ZEB1: variants seen among roughly 807,000 people sequenced by gnomAD.
ZEB1 encodes the protein zinc finger E-box binding homeobox 1.
ZEB1 carries 21 observed loss-of-function variants against 84.9 expected under a neutral mutation model. That is an observed-to-expected ratio of 0.25 (90% confidence interval 0.18 to 0.36). The LOEUF is 0.36. Among genes scored for constraint, ZEB1 ranks in the 10% least tolerant of loss-of-function variants. The pLI is 1.00. For synonymous variants in ZEB1, 420 were observed against 471.1 expected, an observed-to-expected ratio of 0.89 and a Z score of 1.41; for missense variants, 1,104 against 1,330.2, an observed-to-expected ratio of 0.83 and a Z score of 2.65.
At chr10:31,439,677 G>A (rs1426418203) in intron 1 of ZEB1, among the ~76,000 whole-genome samples, 1 of 152,094 alleles carries the variant, frequency 6.6e-6, no homozygotes, top group Non-Finnish European at 1.5e-5. Flanking sequence ...CAATGGGGGT[G>A]GGGGTGGTAT....
intron 7 of ZEB1, among the ~76,000 whole-genome samples, chr10:31,522,770 T>C (rs2072684555): frequency 6.6e-6 from 1 of 152,240 alleles, no homozygotes; most frequent in South Asian, 2.1e-4. Flanking sequence ...TATGCAAATA[T>C]TTTCTATAAG....
intron 1 of ZEB1, among the ~76,000 whole-genome samples, chr10:31,372,421 TG>T (rs1275234082): frequency 6.6e-6 from 1 of 151,980 alleles, no homozygotes; most frequent in African/African-American, 2.4e-5. Flanking sequence ...CGTATATAAA[TG>T]ACAGGCCCTA....
Position 31,523,923 on chromosome 10 carries a change from C to T in ZEB1, c.2605-10C>T. 1 of 1,613,436 alleles carries T rather than the reference C, an allele frequency of 6.2e-7. No homozygotes were observed. Among genetic ancestry groups the T allele is most frequent in the South Asian group, 1.1e-5 (1 of 91,068 alleles). On this transcript the variant is annotated splice_polypyrimidine_tract_variant and intron_variant, in intron 7 of 8. Transcript: ENST00000424869. Reference sequence around the variant, plus strand: ...TTAAATTACATTTTCTCACACCTTTCTCCCTCTAGGATGAAAGACAAGATA... The same window carrying T: ...TTAAATTACATTTTCTCACACCTTTTTCCCTCTAGGATGAAAGACAAGATA...
intron 1 of ZEB1, among the ~76,000 whole-genome samples, chr10:31,385,821 T>G (rs2048545400): frequency 6.6e-6 from 1 of 152,170 alleles, no homozygotes; most frequent in Non-Finnish European, 1.5e-5. Context: ...CCACCACACC[T>G]GGCCAGCGTT....
chr10:31,349,542 G>A (rs1055285447), intron 1 of ZEB1, among the ~76,000 whole-genome samples: 9 of 152,094 alleles, frequency 5.9e-5, no homozygotes, highest in Admixed American at 1.3e-4. Flanking sequence ...CAGCAACAGC[G>A]TACAGGGGTT....
chr10:31,388,094 T>C (rs967086869), intron 1 of ZEB1, among the ~76,000 whole-genome samples: 2 of 152,158 alleles, frequency 1.3e-5, no homozygotes, highest in African/African-American at 4.8e-5. Context: ...TGGATATCAT[T>C]AATTGACTAT....
chr10:31,458,354 G>GTGTGTGTGT (rs1170045492), intron 1 of ZEB1, among the ~76,000 whole-genome samples: 1 of 150,180 alleles, frequency 6.7e-6, no homozygotes, highest in African/African-American at 2.5e-5. Flanking sequence ...GTGTGTGTGT[G>GTGTGTGTGT]TGTGTGTGTG....
intron 1 of ZEB1, among the ~76,000 whole-genome samples, chr10:31,419,596 T>A (rs2055799124): frequency 6.6e-6 from 1 of 152,140 alleles, no homozygotes; most frequent in African/African-American, 2.4e-5. Flanking sequence ...GATGACTAGA[T>A]CACTGCCTCT....
At chr10:31,402,053 A>G (rs922016851) in intron 1 of ZEB1, among the ~76,000 whole-genome samples, 1 of 151,940 alleles carries the variant, frequency 6.6e-6, no homozygotes, top group South Asian at 2.1e-4. Context: ...ATACCAGATT[A>G]AAGTTTCAAC....
rs187080889 is a variant in ZEB1, at chr10:31,493,490, C to T, written c.260-2286C>T. On this transcript the variant is annotated intron_variant, in intron 2 of 8. Coordinates refer to ENST00000424869, the MANE Select transcript of ZEB1 (RefSeq NM_001174096.2). ...TTTTTAAAATTGCATTTAGGTTAAC[C>T]AGTTAATCTGTTGACATTATTACGT... 3.2e-3 allele frequency among the ~76,000 whole-genome samples: 492 copies of T among 151,976 alleles called. 3 individuals are homozygous for T. Among genetic ancestry groups the T allele is most frequent in the African/African-American group, 0.011 (461 of 41,480 alleles).
At chr10:31,447,771 C>T (rs1190258042) in intron 1 of ZEB1, among the ~76,000 whole-genome samples, 1 of 152,156 alleles carries the variant, frequency 6.6e-6, no homozygotes, top group Non-Finnish European at 1.5e-5. Flanking sequence ...AGGGTTTCTG[C>T]CGAGAGATCA....
chr10:31,398,453 C>T (rs1047777652), intron 1 of ZEB1, among the ~76,000 whole-genome samples: 1 of 152,020 alleles, frequency 6.6e-6, no homozygotes, highest in African/African-American at 2.4e-5. Context: ...TGCCTTCTCT[C>T]TCTGCATCAT....
rs775271989 is a variant in ZEB1, at chr10:31,521,392, C to G, written c.2060C>G (p.Ser687Cys). Residue 687 changes from serine (S) to cysteine (C), a missense_variant, in exon 7 of 9, where the codon TCC becomes TGC. Physicochemically the swap from Ser to Cys is moderately radical, Grantham distance 112. Around this residue, in one of 7 missense-constraint regions of ZEB1, gnomAD observed 531 missense variants for 575.2 expected, o/e 0.92. Coordinates refer to ENST00000424869, the MANE Select transcript of ZEB1 (RefSeq NM_001174096.2). ...NLQSPLKMTN[S>C]PVLPVGSTTN... The stretch of plus-strand genomic sequence containing the variant: ...CAAAGTCCTTTGAAGATGACTAACT[C>G]CCCAGTTTTACCAGTGGGATCAACC... 1 of 1,614,062 alleles carries G rather than the reference C, an allele frequency of 6.2e-7. No individual in the cohort carries two copies. The highest frequency in any genetic ancestry group is 2.2e-5 in the East Asian group (1 of 44,838).
chr10:31,349,492 C>G lies in ZEB1; in HGVS notation c.58+30200C>G, dbSNP rs562915462. Among the ~76,000 whole-genome samples, 5 of 152,270 alleles carry G rather than the reference C, an allele frequency of 3.3e-5. No individual in the cohort carries two copies. The South Asian group carries it at 8.3e-4, about 25-fold the overall frequency. Reference sequence around the variant, plus strand: ...TCCAATGTTAGTTTTTGAGGACCCTCCATACTGTTTTCCATAGTGGCTGTA... The same window carrying G: ...TCCAATGTTAGTTTTTGAGGACCCTGCATACTGTTTTCCATAGTGGCTGTA... On this transcript the variant is annotated intron_variant, in intron 1 of 8. Coordinates refer to ENST00000424869, the MANE Select transcript of ZEB1 (RefSeq NM_001174096.2).
Position 31,319,292 on chromosome 10 carries a change from G to A in ZEB1, c.58G>A (p.Val20Ile), listed in dbSNP as rs985340759. 5.6e-6 allele frequency: 9 copies of A among 1,607,410 alleles called. No individual in the cohort carries two copies. In the African/African-American group the frequency reaches 9.4e-5, roughly 17 times the overall value. Residue 20 changes from valine to isoleucine, a missense_variant and splice_region_variant, in exon 1 of 9, where the codon GTT becomes ATT. Val to Ile is a conservative substitution (Grantham distance 29). Transcript: ENST00000424869. ...GCAGGCGAACCCGCGGCGCAATAAC[G>A]GTGAGTGGCGGAGGGGACCGGGGAG... ...RKQANPRRNNVTNYNTVVETN... is the reference protein window; with the variant it reads ...RKQANPRRNNITNYNTVVETN...
At chr10:31,381,700 T>C (rs2047666533) in intron 1 of ZEB1, 1 of 152,096 alleles carries the variant, frequency 6.6e-6, no homozygotes, top group South Asian at 2.1e-4. Context: ...GACTTCTCTG[T>C]CTGTTGGAGA....
intron 8 of ZEB1, 61 bp downstream of exon 8, chr10:31,524,174 T>A: frequency 6.6e-7 from 1 of 1,519,456 alleles, no homozygotes; most frequent in Non-Finnish European, 9.0e-7. Context: ...GATGCAAAAT[T>A]AAAAACTAAA....
intron 4 of ZEB1, among the ~76,000 whole-genome samples, chr10:31,505,055 T>C (rs1465354223): frequency 6.6e-6 from 1 of 152,058 alleles, no homozygotes; most frequent in East Asian, 1.9e-4. Context: ...GTCAGCTTGT[T>C]CCATGCAGTA....
At chr10:31,481,964 C>A (rs974804275) in intron 2 of ZEB1, among the ~76,000 whole-genome samples, 1 of 151,872 alleles carries the variant, frequency 6.6e-6, no homozygotes, top group Non-Finnish European at 1.5e-5. Flanking sequence ...TTTAAAAGAA[C>A]TATCAATGGA....
Sources: gnomAD v4.1 joint callset for allele counts (sites outside exome capture counted in the v4.1 genomes callset) on GRCh38, gnomAD v4.1.1 for gene constraint, gnomAD v4.1.1 regional missense constraint, MANE v1.5 for transcripts, NCBI Gene and HGNC (gene_info 2026-07-23, HGNC 2026-07-21) for gene names.